APOL5: variants seen among roughly 807,000 people sequenced by gnomAD.
APOL5 encodes apolipoprotein L5, also known as apolipoprotein L, 5.
In APOL5, 29 loss-of-function variants were observed where a neutral mutation model predicts 35.5. That is an observed-to-expected ratio of 0.82 (90% confidence interval 0.61 to 1.11). The LOEUF (loss-of-function observed/expected upper bound fraction) is 1.11, where lower values mean the gene tolerates loss of function less well. APOL5 is among the 50% of genes most tolerant of loss of function. The probability of loss-of-function intolerance (pLI) is 0.00; values close to 1 mark genes in which losing one functional copy is unlikely to be tolerated. For synonymous variants in APOL5, 188 were observed against 200.2 expected, an observed-to-expected ratio of 0.94 and a Z score of 0.51; for missense variants, 514 against 530.4, an observed-to-expected ratio of 0.97 and a Z score of 0.30.
At chr22:35,710,794 C>A in the APOL5 span, among the ~76,000 whole-genome samples, 1 of 152,164 alleles carries the variant, frequency 6.6e-6, no homozygotes, top group South Asian at 2.1e-4. Flanking sequence ...GGGAATCCTA[C>A]GGCGTGTGTC....
At chr22:35,721,024 G>T (rs1342316578) in intron 2 of APOL5, among the ~76,000 whole-genome samples, 1 of 152,086 alleles carries the variant, frequency 6.6e-6, no homozygotes, top group African/African-American at 2.4e-5. Context: ...GGGATTAGAG[G>T]TGTGAGCCAC....
At chr22:35,709,818 A>G in the APOL5 span, among the ~76,000 whole-genome samples, 977 of 151,962 alleles carry the variant, frequency 6.4e-3, 13 homozygotes, top group African/African-American at 0.021. Flanking sequence ...ATAAAATCCA[A>G]TGAGCATTGA....
In APOL5 at chr22:35,723,767, G is replaced by A. The variant is rs141728684; in HGVS notation, c.143-2444G>A. 4.8e-4 allele frequency among the ~76,000 whole-genome samples: 73 copies of A among 152,346 alleles called. 1 individual carries two copies. The East Asian group carries it at 0.01, about 21-fold the overall frequency. ...ACTTGAGGTCAGGAGTTGGAGAGCA[G>A]CCTGGCCAACATGGCAAAACCCTGT... On this transcript the variant is annotated intron_variant, in intron 2 of 4. Transcript: ENST00000249044.
upstream of APOL5, among the ~76,000 whole-genome samples, chr22:35,713,474 C>T (rs12172627): frequency 7.8e-3 from 1,184 of 152,286 alleles, 8 homozygotes; most frequent in Middle Eastern, 0.017. Flanking sequence ...CCAGCTCCAG[C>T]CTCAGTGCTC....
rs1166986853 is a variant in APOL5 at position 35,727,143 on chromosome 22, TC to T, written c.1077del (p.Ser360AlafsTer39). 2 of 1,608,758 alleles carry T rather than the reference TC, an allele frequency of 1.2e-6. No individual in the cohort carries two copies. Among genetic ancestry groups the T allele is most frequent in the Non-Finnish European group, 1.7e-6 (2 of 1,179,966 alleles). Reference protein sequence around the residue: ...HLPQKASQTCSSSRGRAVRGS... With the variant: ...HLPQKASQTCXSSRGRAVRGS... ...GCCGCAGAAGGCGAGCCAGACCTGT[TC>T]CAGCTCCCGGGGCAGGGCTGTTCGA... On this transcript the variant is annotated frameshift_variant, in exon 3 of 5. Transcript: ENST00000249044. LOFTEE classifies it high-confidence loss of function.
Position 35,727,377 on chromosome 22 carries a change from C to T in APOL5, c.1126+183C>T, listed in dbSNP as rs1043362733. ...GCGCCCTCTGTTCTTCCCAGAATTG[C>T]GTTCTGTTCTCTCAAAGCCCTGACC... On this transcript the variant is annotated intron_variant, in intron 3 of 4. Transcript: ENST00000249044. 3.3e-5 allele frequency among the ~76,000 whole-genome samples: 5 copies of T among 152,178 alleles called. No homozygotes were observed. The South Asian group carries it at 6.2e-4, about 19-fold the overall frequency.
chr22:35,710,145 CAG>C, the APOL5 span, among the ~76,000 whole-genome samples: 1 of 90,444 alleles, frequency 1.1e-5, no homozygotes, highest in Admixed American at 1.7e-4. Context: ...TTTTTTGAGA[CAG>C]AGTCTTGCTC....
chr22:35,720,372 C>G (rs1413998919), intron 1 of APOL5, among the ~76,000 whole-genome samples, 196 bp from the exon 2 acceptor site: 1 of 152,204 alleles, frequency 6.6e-6, no homozygotes, highest in Admixed American at 6.5e-5. Flanking sequence ...TTGGGCATTC[C>G]CATGGTTTGT....
In APOL5 at chr22:35,728,711, C is replaced by G; in HGVS notation, c.1127-12C>G. ...TTGGAAGTTGTAAGACACAGGGACT[C>G]ATGTTCCACAGGGTCTCGCTCACCT... On this transcript the variant is annotated splice_polypyrimidine_tract_variant and intron_variant, in intron 3 of 4. Coordinates refer to ENST00000249044, the MANE Select transcript of APOL5 (RefSeq NM_030642.1). 6.2e-7 allele frequency: 1 copy of G among 1,609,658 alleles called. No individual in the cohort carries two copies. Among genetic ancestry groups the G allele is most frequent in the East Asian group, 2.3e-5 (1 of 44,422 alleles).
At chr22:35,709,337 T>A in the APOL5 span, among the ~76,000 whole-genome samples, 2 of 151,596 alleles carry the variant, frequency 1.3e-5, no homozygotes, top group African/African-American at 4.8e-5. Context: ...GCCAAAAAAA[T>A]CATACTAAGG....
chr22:35,724,379 C>CT (rs35923261), intron 2 of APOL5, among the ~76,000 whole-genome samples: 65 of 143,964 alleles, frequency 4.5e-4, no homozygotes, highest in South Asian at 3.3e-3. Flanking sequence ...AAGCAACCAC[C>CT]TTTTTTTTTT....
Position 35,726,331 on chromosome 22 carries a change from A to C in APOL5, c.263A>C (p.Asp88Ala). ...LFEELMRCDK[D>A]SMPDGNLSEE... ...GAAGAGCTGATGCGATGTGACAAAG[A>C]TTCCATGCCAGATGGAAATCTGTCA... Residue 88 changes from aspartate to alanine, a missense_variant, in exon 3 of 5, where the codon GAT becomes GCT. Transcript: ENST00000249044. 12 of 1,614,182 alleles carry C rather than the reference A, an allele frequency of 7.4e-6. No homozygotes were observed. The highest frequency in any genetic ancestry group is 9.3e-6 in the Non-Finnish European group (11 of 1,180,038).
upstream of APOL5, among the ~76,000 whole-genome samples, chr22:35,713,936 A>G (rs1316138776): frequency 6.6e-6 from 1 of 152,182 alleles, no homozygotes; most frequent in Non-Finnish European, 1.5e-5. Flanking sequence ...CTACAATTAG[A>G]GACCTCTCAT....
rs1251732467 is a variant in APOL5, at chr22:35,727,116, C to T, written c.1048C>T (p.Leu350=). ...CCGGCTCACCCAGCACCACCGGCAC[C>T]TGCCGCAGAAGGCGAGCCAGACCTG... ...LDRLTQHHRH[L]PQKASQTCSS... The change falls in exon 3 of 5, where the codon CTG becomes TTG. Residue 350 remains leucine (L), a synonymous_variant. Transcript: ENST00000249044. 1.2e-6 allele frequency: 2 copies of T among 1,611,302 alleles called. No individual in the cohort carries two copies. The highest frequency in any genetic ancestry group is 2.2e-5 in the East Asian group (1 of 44,886).
intron 2 of APOL5, among the ~76,000 whole-genome samples, chr22:35,721,083 G>T (rs1926957716): frequency 6.6e-6 from 1 of 152,086 alleles, no homozygotes; most frequent in Admixed American, 6.5e-5. Flanking sequence ...AAATCTGATT[G>T]TTAATATCCA....
chr22:35,710,440 C>A, the APOL5 span, among the ~76,000 whole-genome samples: 2 of 151,560 alleles, frequency 1.3e-5, no homozygotes, highest in Non-Finnish European at 2.9e-5. Context: ...CCTCACCCAA[C>A]CCCTTTTTGT....
intron 2 of APOL5, among the ~76,000 whole-genome samples, chr22:35,725,593 G>A (rs867162684): frequency 6.6e-6 from 1 of 152,052 alleles, no homozygotes; most frequent in Non-Finnish European, 1.5e-5. Flanking sequence ...TGGTGGGTAA[G>A]GGTCCAGGGA....
chr22:35,710,948 C>T, the APOL5 span, among the ~76,000 whole-genome samples: 1 of 152,198 alleles, frequency 6.6e-6, no homozygotes, highest in Non-Finnish European at 1.5e-5. Context: ...GGATGGATTA[C>T]CTGAGGTCAG....
At chr22:35,713,919 ACTC>A (rs924198517), upstream of APOL5, among the ~76,000 whole-genome samples, 2 of 151,594 alleles carry the variant, frequency 1.3e-5, no homozygotes, top group Non-Finnish European at 2.9e-5. Context: ...TTCTGCTCAC[ACTC>A]CTCCTACAAT....
Sources: allele counts gnomAD v4.1 joint callset (sites outside exome capture counted in the v4.1 genomes callset), GRCh38; gene constraint gnomAD v4.1.1; transcripts MANE v1.5; gene names NCBI Gene and HGNC (gene_info 2026-07-23, HGNC 2026-07-21).